Variants in IL34 observed in about 807,000 individuals in gnomAD.
IL34 encodes the protein interleukin 34, also known as interleukin-34.
A neutral mutation model predicts 25.3 loss-of-function variants in IL34; 17 were observed. The ratio of observed to expected loss-of-function variants is 0.67; its 90% CI spans 0.46 to 1.01. The LOEUF (loss-of-function observed/expected upper bound fraction) is 1.01. Among genes scored for constraint, IL34 ranks in the 50% least tolerant of loss-of-function variants. The pLI is 0.00. For missense variants in IL34, 368 were observed against 312.9 expected (o/e 1.18, Z -1.33); for synonymous variants, 174 against 140.9 (o/e 1.23, Z -1.66).
chr16:70,604,740 G>A lies in IL34; in HGVS notation c.-401+24691G>A, dbSNP rs572518200. 1.5e-3 allele frequency among the ~76,000 whole-genome samples: 224 copies of A among 152,338 alleles called. No individual in the cohort carries two copies. In the South Asian group the frequency reaches 0.02, roughly 13 times the overall value. On this transcript the variant is annotated intron_variant, in intron 1 of 6. Transcript: ENST00000429149. ...AGGCAAAGTCCGATAAGGAGCTCCC[G>A]GCCTGGGGCCCAGGCACAAAGTGAC...
intron 1 of IL34, among the ~76,000 whole-genome samples, chr16:70,613,704 T>A (rs962434553): frequency 6.6e-6 from 1 of 151,766 alleles, no homozygotes; most frequent in Non-Finnish European, 1.5e-5. Flanking sequence ...TGAAACCCTA[T>A]CTCTACTAAA....
Position 70,625,119 on chromosome 16 carries a change from G to A in IL34, c.-400-21429G>A, listed in dbSNP as rs145263845. Among the ~76,000 whole-genome samples the A allele has an allele frequency of 5.3e-5, 8 of 152,148 alleles. No homozygotes were observed. In the East Asian group the frequency reaches 1.5e-3, roughly 29 times the overall value. On this transcript the variant is annotated intron_variant, in intron 1 of 6. Coordinates refer to the IL34 transcript ENST00000429149. ...GAACTACTGTTGAGTTTGTATTGGG[G>A]TCAAGCAGCATTGCAGAAGAAAATA...
chr16:70,640,310 T>G (rs1222199771), intron 1 of IL34, among the ~76,000 whole-genome samples: 1 of 152,060 alleles, frequency 6.6e-6, no homozygotes, highest in Non-Finnish European at 1.5e-5. Flanking sequence ...CCCGGCTAAT[T>G]TTGTATTTTT....
intron 4 of IL34, among the ~76,000 whole-genome samples, chr16:70,657,830 ACAT>A (rs1404752458): frequency 6.6e-6 from 1 of 152,206 alleles, no homozygotes; most frequent in African/African-American, 2.4e-5. Context: ...TGTATACATG[ACAT>A]CATGCATTTG....
chr16:70,650,692 G>C (rs1442156027), intron 1 of IL34, among the ~76,000 whole-genome samples: 1 of 152,192 alleles, frequency 6.6e-6, no homozygotes, highest in Non-Finnish European at 1.5e-5. Flanking sequence ...TGTTGCTCTA[G>C]GTCTGTGGTT....
chr16:70,625,368 C>T (rs1236058564), intron 1 of IL34, among the ~76,000 whole-genome samples: 1 of 151,744 alleles, frequency 6.6e-6, no homozygotes, highest in Non-Finnish European at 1.5e-5. Flanking sequence ...GATTGGGGCA[C>T]AGAAATAAGA....
Position 70,624,110 on chromosome 16 carries a change from G to A in IL34, c.-400-22438G>A, listed in dbSNP as rs1439989271. Among the ~76,000 whole-genome samples, 4 of 152,232 alleles carry A rather than the reference G, an allele frequency of 2.6e-5. No homozygotes were observed. The South Asian group carries it at 6.2e-4, about 24-fold the overall frequency. Reference sequence around the variant, plus strand: ...AGAGCCTTGGGCCAGAGTTCCAGGGGCTCTGGGAGTGGCTGCCAGGTGAGT... The same window carrying A: ...AGAGCCTTGGGCCAGAGTTCCAGGGACTCTGGGAGTGGCTGCCAGGTGAGT... On this transcript the variant is annotated intron_variant, in intron 1 of 6. Transcript: ENST00000429149.
rs185411603 is a variant in IL34, at chr16:70,630,276, C to T, written c.-400-16272C>T. Reference sequence around the variant, plus strand: ...TTTTTTGGAGATGGAGTCTCTCTGTCGCACAGGCTGGAATGCACTGACGTG... The same window carrying T: ...TTTTTTGGAGATGGAGTCTCTCTGTTGCACAGGCTGGAATGCACTGACGTG... On this transcript the variant is annotated intron_variant, in intron 1 of 6. Transcript: ENST00000429149. Among the ~76,000 whole-genome samples, 21 of 152,122 alleles carry T rather than the reference C, an allele frequency of 1.4e-4. No homozygotes were observed. The East Asian group carries it at 2.3e-3, about 17-fold the overall frequency.
At chr16:70,609,103 A>T (rs2051053361) in intron 1 of IL34, among the ~76,000 whole-genome samples, 1 of 151,838 alleles carries the variant, frequency 6.6e-6, no homozygotes, top group Non-Finnish European at 1.5e-5. Flanking sequence ...TTTGAGATGG[A>T]ATCTTGCTCC....
chr16:70,628,549 T>G (rs978325095), intron 1 of IL34, among the ~76,000 whole-genome samples: 2 of 151,516 alleles, frequency 1.3e-5, no homozygotes, highest in Non-Finnish European at 2.9e-5. Flanking sequence ...TGCAATGGTA[T>G]GATCTTGGCT....
Position 70,646,903 on chromosome 16 carries a change from G to A in IL34, c.-45G>A. On this transcript the variant is annotated 5_prime_UTR_variant, in exon 1 of 6. Transcript: ENST00000288098. Reference sequence around the variant, plus strand: ...GTGCTTAGGCCTCTGTGGACACACTGCTGGGGACGGCGCCTGAGCTCTCAG... The same window carrying A: ...GTGCTTAGGCCTCTGTGGACACACTACTGGGGACGGCGCCTGAGCTCTCAG... 4 of 1,477,210 alleles carry A rather than the reference G, an allele frequency of 2.7e-6. No homozygotes were observed. In the East Asian group the frequency reaches 1.2e-4, roughly 43 times the overall value. The allele number at this position is 1,477,210 out of a possible 1,614,324, so 91.5% of individuals were successfully genotyped here. A position where few individuals can be genotyped will look rare whatever the true frequency, so the allele number is the denominator to read the frequency against.
chr16:70,642,726 G>A (rs2051815479), upstream of IL34, among the ~76,000 whole-genome samples: 2 of 152,276 alleles, frequency 1.3e-5, no homozygotes, highest in South Asian at 2.1e-4. Flanking sequence ...TTCAACACAT[G>A]TATTTTGGAG....
chr16:70,659,530 G>A (rs912744286), intron 4 of IL34, 88 bp from the exon 5 acceptor site: 5 of 1,467,474 alleles, frequency 3.4e-6, no homozygotes, highest in South Asian at 1.5e-5. Flanking sequence ...CGGGGTTTGG[G>A]CAGCTCCAGG....
rs952701872 is a variant in IL34 at position 70,660,444 on chromosome 16, C to T, written c.*257C>T. The T allele has an allele frequency of 2.3e-5, 10 of 427,268 alleles. No homozygotes were observed. The highest frequency in any genetic ancestry group is 4.1e-5 in the African/African-American group (2 of 49,340). The allele number at this position is 427,268 out of a possible 1,614,324, so 26.5% of individuals were successfully genotyped here. A position where few individuals can be genotyped will look rare whatever the true frequency, so the allele number is the denominator to read the frequency against. ...ATGGGGACACAGCTCCTGGCTTCTC[C>T]TGGTGCTGCCCTCACTGTCCCCCCG... On this transcript the variant is annotated 3_prime_UTR_variant, in exon 6 of 6. Coordinates refer to ENST00000288098, the MANE Select transcript of IL34 (RefSeq NM_001393494.1).
intron 1 of IL34, among the ~76,000 whole-genome samples, chr16:70,619,278 G>A (rs955194040): frequency 1.3e-4 from 20 of 152,086 alleles, no homozygotes; most frequent in African/African-American, 1.9e-4. Flanking sequence ...ATGATCGGTC[G>A]CCAAGGAGGG....
intron 1 of IL34, among the ~76,000 whole-genome samples, chr16:70,608,142 T>TGAGA: frequency 6.7e-6 from 1 of 149,246 alleles, no homozygotes; most frequent in African/African-American, 2.5e-5. Flanking sequence ...TTTTTTTTTT[T>TGAGA]TTTTGAGATA....
upstream of IL34, among the ~76,000 whole-genome samples, chr16:70,641,860 G>A (rs1225544037): frequency 2.6e-5 from 4 of 151,998 alleles, no homozygotes; most frequent in Non-Finnish European, 4.4e-5. Flanking sequence ...GAGCCACTGC[G>A]CCTGGCCAAA....
At chr16:70,650,948 C>A (rs905853762) in intron 1 of IL34, among the ~76,000 whole-genome samples, 1 of 152,234 alleles carries the variant, frequency 6.6e-6, no homozygotes, top group Non-Finnish European at 1.5e-5. Context: ...CACAGGCTCA[C>A]GCCTGTAATC....
chr16:70,639,206 C>G (rs774037111), intron 1 of IL34, among the ~76,000 whole-genome samples: 1 of 152,152 alleles, frequency 6.6e-6, no homozygotes, highest in Non-Finnish European at 1.5e-5. Context: ...AGCCCGGATC[C>G]AGGAGTGTAT....
Sources: allele counts gnomAD v4.1 joint callset (sites outside exome capture counted in the v4.1 genomes callset), GRCh38; gene constraint gnomAD v4.1.1; transcripts MANE v1.5; gene names NCBI Gene and HGNC (gene_info 2026-07-23, HGNC 2026-07-21).